Variants in MPPED2 observed in about 807,000 individuals in gnomAD.
The protein encoded by MPPED2 is metallophosphoesterase MPPED2.
In MPPED2, 5 loss-of-function variants were observed where a neutral mutation model predicts 33.0. The ratio of observed to expected loss-of-function variants is 0.15; its 90% confidence interval spans 0.08 to 0.32. The LOEUF (loss-of-function observed/expected upper bound fraction) is 0.32. Ranked by LOEUF, MPPED2 falls within the 10% of genes least tolerant of loss-of-function variation. The pLI is 1.00. For missense variants in MPPED2, 275 were observed against 372.1 expected (o/e 0.74, Z 2.15); for synonymous variants, 136 against 141.9 (o/e 0.96, Z 0.29).
At chr11:30,525,482 T>C (rs1297172730) in intron 3 of MPPED2, among the ~76,000 whole-genome samples, 2 of 152,248 alleles carry the variant, frequency 1.3e-5, no homozygotes, top group African/African-American at 2.4e-5. Flanking sequence ...AGGAAAGTGC[T>C]TTCCTGGCTT....
intron 4 of MPPED2, chr11:30,451,642 A>G: frequency 2.6e-5 from 24 of 911,466 alleles, no homozygotes; most frequent in Non-Finnish European, 3.1e-5. Context: ...ATGATAAAAG[A>G]AGCCTGTATT....
chr11:30,521,179 C>A (rs778074007), intron 3 of MPPED2, among the ~76,000 whole-genome samples: 1 of 151,948 alleles, frequency 6.6e-6, no homozygotes, highest in Non-Finnish European at 1.5e-5. Context: ...TTAGTATTTT[C>A]ATTGTATATT....
chr11:30,502,493 G>A (rs994088432), intron 3 of MPPED2, among the ~76,000 whole-genome samples: 17 of 152,136 alleles, frequency 1.1e-4, no homozygotes, highest in Non-Finnish European at 2.1e-4. Context: ...AACATTCCCC[G>A]AATGCTACTG....
intron 6 of MPPED2, among the ~76,000 whole-genome samples, chr11:30,390,170 C>G (rs1190389161): frequency 6.6e-6 from 1 of 152,212 alleles, no homozygotes; most frequent in Non-Finnish European, 1.5e-5. Flanking sequence ...ATATGAACTT[C>G]TAACTTCCCA....
intron 3 of MPPED2, among the ~76,000 whole-genome samples, chr11:30,528,277 A>G (rs1413429048): frequency 6.6e-6 from 1 of 151,690 alleles, no homozygotes; most frequent in Admixed American, 6.6e-5. Flanking sequence ...TTTTTTTCAG[A>G]CGGAGTCTCG....
chr11:30,436,960 G>T (rs1949353899), intron 4 of MPPED2, among the ~76,000 whole-genome samples: 1 of 152,198 alleles, frequency 6.6e-6, no homozygotes, highest in Non-Finnish European at 1.5e-5. Context: ...GCATTCTCTG[G>T]TTGGTGAATG....
intron 4 of MPPED2, among the ~76,000 whole-genome samples, chr11:30,470,468 C>T (rs1031392076): frequency 1.3e-5 from 2 of 152,130 alleles, no homozygotes; most frequent in Non-Finnish European, 2.9e-5. Flanking sequence ...GAGAAATTAT[C>T]TACTCATAGT....
chr11:30,500,762 G>A (rs1399870951), intron 3 of MPPED2, among the ~76,000 whole-genome samples: 1 of 152,144 alleles, frequency 6.6e-6, no homozygotes, highest in Non-Finnish European at 1.5e-5. Flanking sequence ...ATGGCTTGTT[G>A]TTCCTTATTG....
intron 4 of MPPED2, among the ~76,000 whole-genome samples, chr11:30,455,366 G>A (rs1184176835): frequency 6.6e-6 from 1 of 152,176 alleles, no homozygotes; most frequent in Non-Finnish European, 1.5e-5. Flanking sequence ...CTGTCAAAAG[G>A]CCAGTTAGCA....
chr11:30,510,304 A>T (rs1299548159), intron 3 of MPPED2, among the ~76,000 whole-genome samples: 4 of 152,148 alleles, frequency 2.6e-5, no homozygotes, highest in African/African-American at 9.7e-5. Context: ...GTGTCTAGCT[A>T]CTGTTCTTCC....
At chr11:30,454,048 T>C (rs1164401385) in intron 4 of MPPED2, among the ~76,000 whole-genome samples, 1 of 152,210 alleles carries the variant, frequency 6.6e-6, no homozygotes, top group Non-Finnish European at 1.5e-5. Flanking sequence ...TTTCATGCAT[T>C]CCTCTGAGCA....
chr11:30,472,044 G>A (rs1950972085), intron 4 of MPPED2, among the ~76,000 whole-genome samples: 1 of 152,166 alleles, frequency 6.6e-6, no homozygotes, highest in Non-Finnish European at 1.5e-5. Flanking sequence ...CAACATTTGG[G>A]TATATCTACA....
chr11:30,558,184 A>G (rs1168036094), intron 2 of MPPED2, among the ~76,000 whole-genome samples: 1 of 152,004 alleles, frequency 6.6e-6, no homozygotes, highest in Non-Finnish European at 1.5e-5. Context: ...TTATTATTTT[A>G]CCTATTCTGG....
intron 2 of MPPED2, among the ~76,000 whole-genome samples, chr11:30,558,037 G>C (rs2134688942): frequency 6.6e-6 from 1 of 152,236 alleles, no homozygotes; most frequent in South Asian, 2.1e-4. Context: ...CCATGACCTG[G>C]CTCCAAGGAC....
intron 2 of MPPED2, among the ~76,000 whole-genome samples, chr11:30,564,880 G>C (rs139156917): frequency 1.1e-4 from 16 of 152,206 alleles, no homozygotes; most frequent in African/African-American, 3.6e-4. Context: ...CCATGTGTGA[G>C]CAAACAAGAT....
chr11:30,393,840 A>G (rs918657102), intron 6 of MPPED2, among the ~76,000 whole-genome samples: 1 of 152,110 alleles, frequency 6.6e-6, no homozygotes, highest in African/African-American at 2.4e-5. Flanking sequence ...TTTGGTGTGC[A>G]GTTCTGAGTT....
intron 4 of MPPED2, among the ~76,000 whole-genome samples, chr11:30,433,482 T>C (rs977621623): frequency 2.0e-5 from 3 of 152,204 alleles, no homozygotes; most frequent in Non-Finnish European, 4.4e-5. Context: ...ATTTTACAGA[T>C]GAGGAAACTG....
intron 2 of MPPED2, among the ~76,000 whole-genome samples, chr11:30,552,248 T>G (rs1955751393): frequency 6.6e-6 from 1 of 152,226 alleles, no homozygotes. Context: ...AGGAGCCATC[T>G]GCGAAGCCAG....
intron 4 of MPPED2, among the ~76,000 whole-genome samples, chr11:30,478,866 T>C (rs1951343214): frequency 6.6e-6 from 1 of 152,150 alleles, no homozygotes. Flanking sequence ...TGCCTGTGTG[T>C]AGTGTTGTGG....
Sources: allele counts gnomAD v4.1 joint callset (sites outside exome capture counted in the v4.1 genomes callset), GRCh38; gene constraint gnomAD v4.1.1; transcripts MANE v1.5; gene names NCBI Gene and HGNC (gene_info 2026-07-23, HGNC 2026-07-21).